Variants in HOXC4 observed in about 807,000 individuals in gnomAD.
HOXC4 encodes homeobox C4, also known as homeobox protein Hox-C4.
Under a neutral mutation model 25.5 loss-of-function variants are expected in HOXC4, and 15 were observed. The ratio of observed to expected loss-of-function variants is 0.59; its 90% CI spans 0.39 to 0.91. The LOEUF (loss-of-function observed/expected upper bound fraction) is 0.91. Ranked by LOEUF, HOXC4 falls within the 40% of genes least tolerant of loss-of-function variation. HOXC4 has a pLI of 0.00. For missense variants in HOXC4, 342 were observed against 352.4 expected (o/e 0.97, Z 0.24); for synonymous variants, 165 against 148.0 (o/e 1.11, Z -0.83).
chr12:54,037,972 T>C (rs1379019447), intron 1 of HOXC4: 2 of 152,198 alleles, frequency 1.3e-5, no homozygotes, highest in Non-Finnish European at 2.9e-5. Context: ...GGGACGATGG[T>C]GAGAGAGGTT....
upstream of HOXC4, among the ~76,000 whole-genome samples, chr12:54,051,564 G>A (rs1020222029): frequency 1.3e-5 from 2 of 152,216 alleles, 1 homozygote; most frequent in Non-Finnish European, 2.9e-5. Flanking sequence ...GTGGGCAAGG[G>A]TTCTCAGCCA....
At chr12:54,033,410 C>T (rs1053908057) in intron 1 of HOXC4, 5 of 1,610,512 alleles carry the variant, frequency 3.1e-6, no homozygotes, top group African/African-American at 2.7e-5. Context: ...CTCTGAACCC[C>T]GGGATGTACA....
chr12:54,049,776 A>G (rs929731454), upstream of HOXC4, among the ~76,000 whole-genome samples: 2 of 151,074 alleles, frequency 1.3e-5, no homozygotes, highest in Non-Finnish European at 3.0e-5. Flanking sequence ...ACACACACAC[A>G]CACACACACA....
intron 1 of HOXC4, chr12:54,034,293 G>A (rs149168463): frequency 1.9e-6 from 3 of 1,613,650 alleles, no homozygotes; most frequent in South Asian, 1.1e-5. Flanking sequence ...GACGGCAAGC[G>A]GTCCCGAACC....
chr12:54,055,751 G>A lies in HOXC4; in HGVS notation c.*546G>A, dbSNP rs1048472756. 6.6e-6 allele frequency: 1 copy of A among 152,332 alleles called. No homozygotes were observed. The highest frequency in any genetic ancestry group is 1.5e-5 in the Non-Finnish European group (1 of 68,028). The allele number at this position is 152,332 out of a possible 1,614,324, so 9.4% of individuals were successfully genotyped here. ...GAAGTTCTTTTGTATTATTGTTGGG[G>A]GGGGGTGTGGGAGGAGAGGGGGCGA... is the stretch of plus-strand genomic sequence containing the variant. On this transcript the variant is annotated 3_prime_UTR_variant, in exon 2 of 2. Coordinates refer to ENST00000430889, the MANE Select transcript of HOXC4 (RefSeq NM_153633.3).
chr12:54,054,389 C>A (rs199685670), intron 1 of HOXC4, 28 bp downstream of exon 1: 43 of 1,468,810 alleles, frequency 2.9e-5, no homozygotes, highest in Admixed American at 7.2e-5. Context: ...TTGCTCCCCC[C>A]CTCCCTCCCT....
chr12:54,030,113 C>T, intron 1 of HOXC4: 2 of 719,620 alleles, frequency 2.8e-6, no homozygotes, highest in Non-Finnish European at 2.2e-6. Context: ...ACCTGAAAGT[C>T]AGCTCTGGAC....
intron 1 of HOXC4, chr12:54,030,539 A>G (rs1243885085): frequency 2.0e-5 from 3 of 152,636 alleles, no homozygotes; most frequent in Non-Finnish European, 4.4e-5. Context: ...TCATTATGGC[A>G]TTTTACAAAC....
At chr12:54,024,889 C>A (rs1940622578) in intron 1 of HOXC4, among the ~76,000 whole-genome samples, 1 of 152,248 alleles carries the variant, frequency 6.6e-6, no homozygotes, top group Non-Finnish European at 1.5e-5. Context: ...CTATCAAAAG[C>A]ATGTGTTTTG....
At chr12:54,050,711 AAG>A (rs1165988532), upstream of HOXC4, among the ~76,000 whole-genome samples, 1 of 152,188 alleles carries the variant, frequency 6.6e-6, no homozygotes, top group African/African-American at 2.4e-5. Flanking sequence ...TAGGAGCCCA[AAG>A]AGAGTTGCTG....
intron 1 of HOXC4, chr12:54,020,413 T>C (rs1030443160): frequency 6.6e-6 from 1 of 152,174 alleles, no homozygotes; most frequent in African/African-American, 2.4e-5. Context: ...CTAAGGAGAA[T>C]TGGGCAGAGC....
rs138201582 is a variant in HOXC4, at chr12:54,054,291, C to T, written c.369C>T (p.Asp123=). Residue 123 remains aspartate, a synonymous_variant, in exon 1 of 2, where the codon GAC becomes GAT. Coordinates refer to ENST00000430889, the MANE Select transcript of HOXC4 (RefSeq NM_153633.3). ...APPACSQPAP[D]HPSSAASKQP... is the part of the protein sequence containing the mutation. ...CAGCCTGCAGCCAGCCAGCCCCCGA[C>T]CATCCCTCCAGCGCCGCCAGCAAGC... The T allele has an allele frequency of 4.0e-3, 6,368 of 1,607,834 alleles. 43 individuals carry two copies. The highest frequency in any genetic ancestry group is 0.016 in the Middle Eastern group (95 of 5,986).
chr12:54,039,265 G>A (rs772568305), intron 1 of HOXC4, among the ~76,000 whole-genome samples: 1 of 152,184 alleles, frequency 6.6e-6, no homozygotes, highest in Non-Finnish European at 1.5e-5. Context: ...GAGAGGTGCT[G>A]TTGGGGGATG....
At chr12:54,037,554 G>A (rs867025853) in intron 1 of HOXC4, among the ~76,000 whole-genome samples, 2 of 152,166 alleles carry the variant, frequency 1.3e-5, no homozygotes, top group South Asian at 2.1e-4. Flanking sequence ...AGATCAACAC[G>A]ACCTCGAAGG....
In HOXC4 at chr12:54,055,497, T is replaced by A. The variant is rs1029208017; in HGVS notation, c.*292T>A. 1.3e-5 allele frequency: 2 copies of A among 154,412 alleles called. No individual in the cohort carries two copies. Among genetic ancestry groups the A allele is most frequent in the Admixed American group, 1.3e-4 (2 of 15,324 alleles). 9.6% of individuals were successfully genotyped at this position (154,412 alleles called of 1,614,324 possible). A position where few individuals can be genotyped will look rare whatever the true frequency, so the allele number is the denominator to read the frequency against. ...TAAAAGGCCATTTTGGGGGGTTATT[T>A]ATTTTTTAAGAAAAAAAGCTGCAAA... is the stretch of plus-strand genomic sequence containing the variant. On this transcript the variant is annotated 3_prime_UTR_variant, in exon 2 of 2. Transcript: ENST00000430889.
chr12:54,036,509 C>T (rs1241759622), intron 1 of HOXC4, among the ~76,000 whole-genome samples: 1 of 152,170 alleles, frequency 6.6e-6, no homozygotes, highest in African/African-American at 2.4e-5. Context: ...TTTTAAAAGA[C>T]CCAAGAGCCT....
intron 1 of HOXC4, chr12:54,033,511 G>A (rs1166912802): frequency 6.3e-7 from 1 of 1,585,442 alleles, no homozygotes; most frequent in South Asian, 1.1e-5. Flanking sequence ...CAGCCCGCCG[G>A]ACTGAGCCAG....
chr12:54,054,989 G>A lies in HOXC4; in HGVS notation c.579G>A (p.Leu193=). 6.2e-7 allele frequency: 1 copy of A among 1,614,020 alleles called. No homozygotes were observed. Among genetic ancestry groups the A allele is most frequent in the Non-Finnish European group, 8.5e-7 (1 of 1,179,980 alleles). The change falls in exon 2 of 2, where the codon CTG becomes CTA. Residue 193 remains leucine, a synonymous_variant. Transcript: ENST00000430889. ...GAAGGATCGAGATCGCCCACTCGCT[G>A]TGCCTCTCTGAGAGGCAGATCAAAA... ...RRRRIEIAHS[L]CLSERQIKIW... is the part of the protein sequence containing the mutation.
At chr12:54,053,112 G>C (rs939541162), upstream of HOXC4, 2 of 152,350 alleles carry the variant, frequency 1.3e-5, no homozygotes, top group Admixed American at 1.3e-4. Flanking sequence ...AGGGGAAGGC[G>C]AGACTTCTGA....
Sources: allele counts gnomAD v4.1 joint callset (sites outside exome capture counted in the v4.1 genomes callset), GRCh38; gene constraint gnomAD v4.1.1; transcripts MANE v1.5; gene names NCBI Gene and HGNC (gene_info 2026-07-23, HGNC 2026-07-21).